The following CLSPN variants were observed in gnomAD, a reference collection of about 807,000 sequenced individuals.
CLSPN encodes claspin, also known as claspin homolog.
A neutral mutation model predicts 156.3 loss-of-function variants in CLSPN; 85 were observed. The ratio of observed to expected loss-of-function variants is 0.54; its 90% CI spans 0.46 to 0.65. The LOEUF is 0.65. CLSPN is among the 30% of genes least tolerant of loss of function. The probability of loss-of-function intolerance (pLI) is 0.00; values close to 1 mark genes in which losing one functional copy is unlikely to be tolerated. For synonymous variants in CLSPN, 534 were observed against 542.4 expected, an observed-to-expected ratio of 0.98 and a Z score of 0.22; for missense variants, 1,407 against 1,554.9, an observed-to-expected ratio of 0.90 and a Z score of 1.60.
chr1:35,735,385 CT>C lies in CLSPN; in HGVS notation c.*1110del, dbSNP rs1330085929. On this transcript the variant is annotated 3_prime_UTR_variant, in exon 25 of 25. Transcript: ENST00000318121. ...GGGTAAGAGTAATACAGCAGCCCAT[CT>C]GTTGGTTCCTAGGTCCTCCATCTAA... is the stretch of plus-strand genomic sequence containing the variant. 1 of 985,290 alleles carries C rather than the reference CT, an allele frequency of 1.0e-6. No homozygotes were observed. Among genetic ancestry groups the C allele is most frequent in the African/African-American group, 1.7e-5 (1 of 57,234 alleles). The allele number at this position is 985,290 out of a possible 1,614,324, so 61.0% of individuals were successfully genotyped here. A position where few individuals can be genotyped will look rare whatever the true frequency, so the allele number is the denominator to read the frequency against.
At chr1:35,754,844 G>A (rs1271076680) in intron 8 of CLSPN, among the ~76,000 whole-genome samples, 4 of 152,052 alleles carry the variant, frequency 2.6e-5, no homozygotes, top group African/African-American at 4.8e-5. Context: ...GTATACAAAC[G>A]GAAATATATA....
At position 35,748,573 on chromosome 1, in the gene CLSPN, C is replaced by T. The variant is rs763165081; in HGVS notation, c.2304G>A (p.Lys768=). 2.8e-5 allele frequency: 45 copies of T among 1,614,114 alleles called. No individual in the cohort carries two copies. Among genetic ancestry groups the T allele is most frequent in the Middle Eastern group, 1.6e-4 (1 of 6,062 alleles). The change falls in exon 13 of 25, where the codon AAG becomes AAA. Residue 768 remains lysine (K), a synonymous_variant. Transcript: ENST00000318121. ...CAAAGCTGCTATTGTGGCTGCTCTC[C>T]TTTGTTAGCAATGAACATGAATCAT... ...DEDDSCSLLT[K]ESSHNSSFEL...
chr1:35,732,178 C>G lies in CLSPN; in HGVS notation c.*4318G>C. On this transcript the variant is annotated 3_prime_UTR_variant, in exon 25 of 25. Transcript: ENST00000318121. ...ACTACATTCCAAGCTGTGTGCCAGG[C>G]GATGAGTAGGATATAAGGGTAGAAG... The G allele has an allele frequency of 1.0e-6, 1 of 985,164 alleles. No homozygotes were observed. Among genetic ancestry groups the G allele is most frequent in the Admixed American group, 6.2e-5 (1 of 16,246 alleles). The allele number at this position is 985,164 out of a possible 1,614,324, so 61.0% of individuals were successfully genotyped here. A position where few individuals can be genotyped will look rare whatever the true frequency, so the allele number is the denominator to read the frequency against.
At position 35,734,436 on chromosome 1, in the gene CLSPN, T is replaced by A; in HGVS notation, c.*2060A>T. 4.4e-6 allele frequency: 4 copies of A among 910,362 alleles called. No individual in the cohort carries two copies. Among genetic ancestry groups the A allele is most frequent in the Non-Finnish European group, 5.2e-6 (4 of 761,952 alleles). 56.4% of individuals were successfully genotyped at this position (910,362 alleles called of 1,614,324 possible). On this transcript the variant is annotated 3_prime_UTR_variant, in exon 25 of 25. Transcript: ENST00000318121. ...GGCTCATGCCTATAATCCCAGCACTTTGGGAGGCCGAGACGGGTGGATCAC... is the reference window on the plus strand; with the variant it reads ...GGCTCATGCCTATAATCCCAGCACTATGGGAGGCCGAGACGGGTGGATCAC...
chr1:35,723,486 A>G (rs1641118013), intron 24 of CLSPN, among the ~76,000 whole-genome samples: 1 of 152,212 alleles, frequency 6.6e-6, no homozygotes, highest in Non-Finnish European at 1.5e-5. Context: ...AGGGTTATTC[A>G]TAGGTGGATA....
intron 9 of CLSPN, 83 bp from the exon 10 acceptor site, chr1:35,751,589 CA>C (rs1471068834): frequency 6.7e-7 from 1 of 1,498,538 alleles, no homozygotes; most frequent in African/African-American, 1.4e-5. Context: ...ATATTCTAGT[CA>C]CATCCCAAAA....
Position 35,765,252 on chromosome 1 carries a change from G to A in CLSPN, c.99C>T (p.Gly33=). The A allele has an allele frequency of 6.2e-7, 1 of 1,613,542 alleles. No homozygotes were observed. The highest frequency in any genetic ancestry group is 1.3e-5 in the African/African-American group (1 of 75,010). Reference sequence around the variant, plus strand: ...TCAAGGGTCCAATTGTTTCATAGCTGCCCTGTCCACTATCTGAAGGACTAT... The same window carrying A: ...TCAAGGGTCCAATTGTTTCATAGCTACCCTGTCCACTATCTGAAGGACTAT... ...EADSPSDSGQ[G]SYETIGPLSE... is the part of the protein sequence containing the mutation. The change falls in exon 2 of 25, where the codon GGC becomes GGT. Residue 33 remains glycine (G), a synonymous_variant. Transcript: ENST00000318121.
intron 8 of CLSPN, among the ~76,000 whole-genome samples, chr1:35,756,687 T>C (rs546910569): frequency 6.6e-6 from 1 of 152,348 alleles, no homozygotes; most frequent in South Asian, 2.1e-4. Context: ...TTATTCCATA[T>C]GCTATTGCAA....
At chr1:35,748,269 A>AG (rs888808425) in intron 13 of CLSPN, 136 bp downstream of exon 13, 3 of 987,672 alleles carry the variant, frequency 3.0e-6, no homozygotes, top group Admixed American at 2.2e-5. Flanking sequence ...TAATACACAA[A>AG]GGGGGTGGAT....
Position 35,733,312 on chromosome 1 carries a change from TTTTTTTTC to T in CLSPN, c.*3176_*3183del. 1 of 195,336 alleles carries T rather than the reference TTTTTTTTC, an allele frequency of 5.1e-6. No individual in the cohort carries two copies. The highest frequency in any genetic ancestry group is 2.4e-4 in the South Asian group (1 of 4,244). The allele number at this position is 195,336 out of a possible 1,614,324, so 12.1% of individuals were successfully genotyped here. A position where few individuals can be genotyped will look rare whatever the true frequency, so the allele number is the denominator to read the frequency against. On this transcript the variant is annotated 3_prime_UTR_variant, in exon 25 of 25. Coordinates refer to ENST00000318121, the MANE Select transcript of CLSPN (RefSeq NM_022111.4). ...GGATTTCTCAGGCACTAATTTTCTT[TTTTTTTTC>T]TTTTTTTTTTTTTTTTTAGAGTTGG...
chr1:35,757,116 G>C (rs1375594212), intron 8 of CLSPN, among the ~76,000 whole-genome samples: 1 of 152,096 alleles, frequency 6.6e-6, no homozygotes, highest in Non-Finnish European at 1.5e-5. Context: ...TATCTCTACT[G>C]AGCTCATTTC....
At chr1:35,754,000 A>AG in intron 8 of CLSPN, 64 bp from the exon 9 acceptor site, 1 of 1,484,186 alleles carries the variant, frequency 6.7e-7, no homozygotes, top group East Asian at 2.3e-5. Context: ...TTTAAGACTT[A>AG]TAAGCTAAGT....
chr1:35,722,723 C>T (rs1641103343), intron 24 of CLSPN, among the ~76,000 whole-genome samples: 1 of 152,048 alleles, frequency 6.6e-6, no homozygotes, highest in Non-Finnish European at 1.5e-5. Context: ...CGTCCGCCTC[C>T]CAGGATCAAG....
Position 35,762,488 on chromosome 1 carries a change from G to C in CLSPN, c.745-7C>G, listed in dbSNP as rs772151187. On this transcript the variant is annotated splice_region_variant and splice_polypyrimidine_tract_variant and intron_variant, in intron 4 of 24. Coordinates refer to ENST00000318121, the MANE Select transcript of CLSPN (RefSeq NM_022111.4). ...CCAAAGATGGTTCTTTTTTCTAAAA[G>C]AAATGGCAGGTTGATTAGGACAAAA... 6.2e-7 allele frequency: 1 copy of C among 1,612,716 alleles called. No homozygotes were observed. The highest frequency in any genetic ancestry group is 8.5e-7 in the Non-Finnish European group (1 of 1,179,060).
At position 35,760,709 on chromosome 1, in the gene CLSPN, A is replaced by AT. The variant is rs1455213253; in HGVS notation, c.1211dup (p.Asn404LysfsTer2). The AT allele has an allele frequency of 1.2e-6, 2 of 1,614,060 alleles. No homozygotes were observed. The highest frequency in any genetic ancestry group is 1.1e-5 in the South Asian group (1 of 91,082). On this transcript the variant is annotated frameshift_variant, in exon 8 of 25. Coordinates refer to ENST00000318121, the MANE Select transcript of CLSPN (RefSeq NM_022111.4). LOFTEE classifies it high-confidence loss of function. ...GTTTCTCCTGAATTTCTAGCTCTTC[A>AT]TTTTTTACCAAATCCTTCCTGCAAG...
intron 8 of CLSPN, among the ~76,000 whole-genome samples, chr1:35,754,348 T>C (rs912655812): frequency 6.6e-6 from 1 of 152,150 alleles, no homozygotes; most frequent in Non-Finnish European, 1.5e-5. Flanking sequence ...TATTGCTGTT[T>C]TTTGTTTTTG....
intron 8 of CLSPN, among the ~76,000 whole-genome samples, chr1:35,759,879 G>A (rs1367212999): frequency 6.8e-6 from 1 of 146,562 alleles, no homozygotes; most frequent in Non-Finnish European, 1.5e-5. Context: ...TCTCACCCAG[G>A]CTGGAGTGCA....
Position 35,737,040 on chromosome 1 carries a change from A to G in CLSPN, c.3783T>C (p.Ala1261=). ...KTGSLLNQPK[A]VLQKLAALSD... is the part of the protein sequence containing the mutation. ...AGAGAGCAGCCAGTTTCTGAAGCAC[A>G]GCTTTGGGCTGGTTTAGCAGTGAGC... The change falls in exon 24 of 25, where the codon GCT becomes GCC. Residue 1261 remains alanine (A), a synonymous_variant. Transcript: ENST00000318121. 6.2e-7 allele frequency: 1 copy of G among 1,614,192 alleles called. No individual in the cohort carries two copies. The highest frequency in any genetic ancestry group is 8.5e-7 in the Non-Finnish European group (1 of 1,180,032).
intron 14 of CLSPN, 84 bp from the exon 15 acceptor site, chr1:35,747,076 A>G: frequency 9.9e-7 from 1 of 1,013,658 alleles, no homozygotes; most frequent in South Asian, 1.4e-5. Context: ...TAATCCCAGC[A>G]CTTCGGGAGG....
Sources: allele counts gnomAD v4.1 joint callset (sites outside exome capture counted in the v4.1 genomes callset), GRCh38; gene constraint gnomAD v4.1.1; transcripts MANE v1.5; gene names NCBI Gene and HGNC (gene_info 2026-07-23, HGNC 2026-07-21).